Variants in MTCL2 observed in about 807,000 individuals in gnomAD.
The protein encoded by MTCL2 is microtubule cross-linking factor 2.
chr20:36,797,477 G>C, the MTCL2 span: 2 of 1,550,958 alleles, frequency 1.3e-6, no homozygotes, highest in South Asian at 1.2e-5. Context: ...AGCCAAGATA[G>C]CATGGCAGCA....
chr20:36,808,703 A>C, the MTCL2 span: 1 of 1,604,764 alleles, frequency 6.2e-7, no homozygotes, highest in East Asian at 2.2e-5. Context: ...CTGCAGCTCA[A>C]ACTCCCGCCT....
chr20:36,857,452 G>A, the MTCL2 span, among the ~76,000 whole-genome samples: 3 of 152,100 alleles, frequency 2.0e-5, no homozygotes, highest in African/African-American at 7.3e-5. Context: ...CAACACCAGC[G>A]AGTCACTGGA....
chr20:36,781,157 A>G, the MTCL2 span: 1 of 152,174 alleles, frequency 6.6e-6, no homozygotes, highest in Admixed American at 6.5e-5. Flanking sequence ...AATCCTGAGT[A>G]ATTAAATCAG....
At chr20:36,826,046 G>A in the MTCL2 span, among the ~76,000 whole-genome samples, 4 of 150,070 alleles carry the variant, frequency 2.7e-5, no homozygotes, top group South Asian at 2.1e-4. Flanking sequence ...CCGTTCTGTC[G>A]CCCAGGCTGG....
At chr20:36,843,746 G>A in the MTCL2 span, among the ~76,000 whole-genome samples, 1 of 152,182 alleles carries the variant, frequency 6.6e-6, no homozygotes, top group Non-Finnish European at 1.5e-5. Context: ...GAAAGAATAG[G>A]AGGGTCTAAG....
At chr20:36,848,126 G>T in the MTCL2 span, among the ~76,000 whole-genome samples, 1 of 152,242 alleles carries the variant, frequency 6.6e-6, no homozygotes, top group African/African-American at 2.4e-5. Flanking sequence ...TCCAGGCTAG[G>T]TGACAGAGTG....
chr20:36,804,250 C>T, the MTCL2 span, among the ~76,000 whole-genome samples: 1 of 152,148 alleles, frequency 6.6e-6, no homozygotes, highest in Non-Finnish European at 1.5e-5. Flanking sequence ...GGAAGAAGCC[C>T]ACCCTCTCAC....
At chr20:36,800,792 CAA>C in the MTCL2 span, among the ~76,000 whole-genome samples, 1 of 152,148 alleles carries the variant, frequency 6.6e-6, no homozygotes, top group Admixed American at 6.5e-5. Context: ...GCAGACATTT[CAA>C]AGATTGGTAA....
chr20:36,854,389 G>A, the MTCL2 span, among the ~76,000 whole-genome samples: 2 of 152,170 alleles, frequency 1.3e-5, no homozygotes, highest in Non-Finnish European at 2.9e-5. Flanking sequence ...GCTCCAAGGT[G>A]TCTGACACAG....
chr20:36,790,808 C>T, the MTCL2 span, among the ~76,000 whole-genome samples: 2 of 150,894 alleles, frequency 1.3e-5, no homozygotes, highest in African/African-American at 4.9e-5. Context: ...ACTCCTAGCT[C>T]AAGTGATCTG....
the MTCL2 span, among the ~76,000 whole-genome samples, chr20:36,798,793 T>C: frequency 6.6e-6 from 1 of 152,292 alleles, no homozygotes; most frequent in East Asian, 1.9e-4. Context: ...ACAAATCACT[T>C]GCACACAGGG....
the MTCL2 span, among the ~76,000 whole-genome samples, chr20:36,822,629 C>T: frequency 1.3e-5 from 2 of 152,252 alleles, no homozygotes; most frequent in African/African-American, 4.8e-5. Flanking sequence ...CAAAGGCCAA[C>T]CTTCCAAGGA....
At chr20:36,862,634 C>G in the MTCL2 span, 1 of 1,486,336 alleles carries the variant, frequency 6.7e-7, no homozygotes, top group Non-Finnish European at 8.9e-7. Context: ...CCTGCGACCT[C>G]CCTTTCTACC....
chr20:36,806,009 T>C, the MTCL2 span: 1 of 1,498,912 alleles, frequency 6.7e-7, no homozygotes, highest in South Asian at 1.3e-5. Flanking sequence ...TCCCAAATTT[T>C]AATTCCAACC....
the MTCL2 span, among the ~76,000 whole-genome samples, chr20:36,799,720 A>T: frequency 2.6e-5 from 4 of 151,550 alleles, no homozygotes; most frequent in Admixed American, 1.3e-4. Flanking sequence ...AGAAGAAGGG[A>T]GGGAGGAAGG....
the MTCL2 span, chr20:36,783,881 T>C: frequency 4.1e-6 from 4 of 985,152 alleles, no homozygotes; most frequent in Non-Finnish European, 4.8e-6. Context: ...AAACCAATAT[T>C]TACATGTAAC....
chr20:36,828,998 G>C, the MTCL2 span: 2 of 1,469,646 alleles, frequency 1.4e-6, no homozygotes, highest in Non-Finnish European at 1.8e-6. Context: ...GCTTGGGGGG[G>C]CTTGCATGTG....
At chr20:36,791,357 A>G in the MTCL2 span, among the ~76,000 whole-genome samples, 1 of 152,150 alleles carries the variant, frequency 6.6e-6, no homozygotes, top group South Asian at 2.1e-4. Flanking sequence ...TTATCCTTTA[A>G]TCTCATTTCT....
the MTCL2 span, among the ~76,000 whole-genome samples, chr20:36,787,009 T>G: frequency 1.3e-5 from 2 of 152,086 alleles, no homozygotes; most frequent in African/African-American, 4.8e-5. Context: ...TTTTTTTCGT[T>G]TGAGACAGGG....
Sources: gnomAD v4.1 joint callset for allele counts (sites outside exome capture counted in the v4.1 genomes callset) on GRCh38, gnomAD v4.1.1 for gene constraint, MANE v1.5 for transcripts, NCBI Gene and HGNC (gene_info 2026-07-23, HGNC 2026-07-21) for gene names.